Variants in CCDC149 observed in about 807,000 individuals in gnomAD.
The protein encoded by CCDC149 is coiled-coil domain containing 149.
Under a neutral mutation model 59.9 loss-of-function variants are expected in CCDC149, and 45 were observed. The ratio of observed to expected loss-of-function variants is 0.75; its 90% CI spans 0.59 to 0.96. The LOEUF is 0.96. CCDC149 is among the 40% of genes least tolerant of loss of function. The probability of loss-of-function intolerance (pLI) is 0.00; values close to 1 mark genes in which losing one functional copy is unlikely to be tolerated. For synonymous variants in CCDC149, 245 were observed against 260.6 expected, an observed-to-expected ratio of 0.94 and a Z score of 0.58; for missense variants, 584 against 664.7, an observed-to-expected ratio of 0.88 and a Z score of 1.33.
rs370386933 is a variant in CCDC149, at chr4:24,862,415, C to G, written c.265-9236G>C. Among the ~76,000 whole-genome samples the G allele has an allele frequency of 2.0e-5, 3 of 152,316 alleles. No individual in the cohort carries two copies. The East Asian group carries it at 5.8e-4, about 29-fold the overall frequency. The stretch of plus-strand genomic sequence containing the variant: ...TTCTGCCCAAAAAGAGCAGTTAATC[C>G]CCTGCTGGTCAGCATTTTTAGAAAA... On this transcript the variant is annotated intron_variant, in intron 3 of 12. Coordinates refer to ENST00000635206, the MANE Select transcript of CCDC149 (RefSeq NM_001330643.2).
At chr4:24,833,285 T>C (rs1716276591) in intron 8 of CCDC149, among the ~76,000 whole-genome samples, 1 of 152,132 alleles carries the variant, frequency 6.6e-6, no homozygotes, top group Non-Finnish European at 1.5e-5. Context: ...TTAATATCCC[T>C]TAAAACATAA....
chr4:24,898,037 T>TC (rs1720938592), intron 1 of CCDC149, among the ~76,000 whole-genome samples: 1 of 152,072 alleles, frequency 6.6e-6, no homozygotes, highest in Admixed American at 6.5e-5. Flanking sequence ...GGTCGTGGGG[T>TC]CTGCAGATGG....
Position 24,931,829 on chromosome 4 carries a change from G to GTATATACATATATATA in CCDC149, c.-64-36712_-64-36711insTATATATATGTATATA, listed in dbSNP as rs1553862488. Among the ~76,000 whole-genome samples, 381 of 76,934 alleles carry GTATATACATATATATA rather than the reference G, an allele frequency of 5.0e-3. 5 individuals carry two copies. Among genetic ancestry groups the GTATATACATATATATA allele is most frequent in the Non-Finnish European group, 7.4e-3 (311 of 41,758 alleles). 50.5% of individuals were successfully genotyped at this position (76,934 alleles called of 152,430 possible). A position where few individuals can be genotyped will look rare whatever the true frequency, so the allele number is the denominator to read the frequency against. ...CTCCCTTATATTGTATGGAGAGTAT[G>GTATATACATATATATA]TATATATATATATATATATATATGC... On this transcript the variant is annotated intron_variant, in intron 1 of 12. Transcript: ENST00000389609.
intron 1 of CCDC149, among the ~76,000 whole-genome samples, chr4:24,947,981 T>G (rs1443216663): frequency 6.6e-6 from 1 of 152,128 alleles, no homozygotes; most frequent in Admixed American, 6.5e-5. Flanking sequence ...TAACAGTGAC[T>G]TCGAGTGCCA....
intron 4 of CCDC149, among the ~76,000 whole-genome samples, chr4:24,842,026 A>G (rs987294750): frequency 2.0e-5 from 3 of 152,158 alleles, no homozygotes; most frequent in Non-Finnish European, 4.4e-5. Context: ...AAGTCACACT[A>G]TTCTATTTTT....
At chr4:24,891,285 G>A (rs1336970497) in intron 1 of CCDC149, among the ~76,000 whole-genome samples, 1 of 152,158 alleles carries the variant, frequency 6.6e-6, no homozygotes, top group Non-Finnish European at 1.5e-5. Flanking sequence ...GTTTTCAGAG[G>A]ACAAACTAAA....
intron 1 of CCDC149, among the ~76,000 whole-genome samples, chr4:24,887,047 A>G (rs973452712): frequency 1.3e-5 from 2 of 152,104 alleles, no homozygotes; most frequent in African/African-American, 4.8e-5. Context: ...TCATGCCCAC[A>G]CACAAACACC....
At chr4:24,854,501 C>T (rs936991369) in intron 3 of CCDC149, among the ~76,000 whole-genome samples, 2 of 152,088 alleles carry the variant, frequency 1.3e-5, no homozygotes, top group East Asian at 1.9e-4. Flanking sequence ...GAGAGTCAAA[C>T]GAGGGATATT....
intron 1 of CCDC149, among the ~76,000 whole-genome samples, chr4:24,933,486 T>C (rs1310394166): frequency 6.6e-6 from 1 of 152,192 alleles, no homozygotes; most frequent in Admixed American, 6.5e-5. Flanking sequence ...TCTATGAAGA[T>C]GAGTATAATT....
At chr4:24,926,032 A>G (rs1451829590) in intron 1 of CCDC149, among the ~76,000 whole-genome samples, 1 of 152,068 alleles carries the variant, frequency 6.6e-6, no homozygotes, top group African/African-American at 2.4e-5. Context: ...TCTCTACTAA[A>G]AAAAATACAA....
chr4:24,838,776 T>G (rs1001323822), intron 4 of CCDC149, among the ~76,000 whole-genome samples: 1 of 148,692 alleles, frequency 6.7e-6, no homozygotes, highest in Non-Finnish European at 1.5e-5. Context: ...ATTTAAAGAG[T>G]TTAAAAAAAA....
chr4:24,809,677 A>T (rs1158790228), intron 12 of CCDC149, among the ~76,000 whole-genome samples: 1 of 152,250 alleles, frequency 6.6e-6, no homozygotes, highest in Admixed American at 6.5e-5. Flanking sequence ...CTCAGGCTAA[A>T]CAGTGAAGAA....
intron 1 of CCDC149, among the ~76,000 whole-genome samples, chr4:24,969,106 C>T (rs1011070995): frequency 6.6e-6 from 1 of 152,218 alleles, no homozygotes; most frequent in African/African-American, 2.4e-5. Context: ...GAGCCTGTCC[C>T]TGCCCATGCA....
chr4:24,924,524 G>C (rs995575123), intron 1 of CCDC149, among the ~76,000 whole-genome samples: 5 of 152,150 alleles, frequency 3.3e-5, no homozygotes, highest in African/African-American at 9.7e-5. Context: ...TTATCTGAAG[G>C]CTCATTCTTT....
intron 1 of CCDC149, among the ~76,000 whole-genome samples, chr4:24,891,116 T>A (rs1720502685): frequency 6.6e-6 from 1 of 152,184 alleles, no homozygotes; most frequent in Non-Finnish European, 1.5e-5. Flanking sequence ...TTTGTCGATT[T>A]TATTTTCTTT....
intron 1 of CCDC149, among the ~76,000 whole-genome samples, chr4:24,882,857 T>G (rs1413214183): frequency 1.3e-5 from 2 of 152,258 alleles, no homozygotes; most frequent in Admixed American, 6.5e-5. Context: ...ACAGTCTCGA[T>G]GATGAATGTG....
chr4:24,915,740 G>T (rs1345959602), upstream of CCDC149, among the ~76,000 whole-genome samples: 4 of 152,164 alleles, frequency 2.6e-5, no homozygotes, highest in African/African-American at 9.7e-5. Flanking sequence ...TGCCCCAAGT[G>T]CCAGCTCAAA....
chr4:24,964,662 G>A (rs773907303), intron 1 of CCDC149, among the ~76,000 whole-genome samples: 1 of 152,100 alleles, frequency 6.6e-6, no homozygotes, highest in Non-Finnish European at 1.5e-5. Context: ...TTGAAAAAAT[G>A]TTTGAAATAC....
At chr4:24,871,391 G>GAGC (rs1719034928) in intron 3 of CCDC149, among the ~76,000 whole-genome samples, 1 of 152,172 alleles carries the variant, frequency 6.6e-6, no homozygotes. Context: ...GCTGGGAAGA[G>GAGC]AGCAAATCAT....
Sources: gnomAD v4.1 joint callset for allele counts (sites outside exome capture counted in the v4.1 genomes callset) on GRCh38, gnomAD v4.1.1 for gene constraint, MANE v1.5 for transcripts, NCBI Gene and HGNC (gene_info 2026-07-23, HGNC 2026-07-21) for gene names.